MRPL48: variants seen among roughly 807,000 people sequenced by gnomAD.
MRPL48 encodes mitochondrial ribosomal protein L48, also known as large ribosomal subunit protein mL48.
MRPL48 carries 16 observed loss-of-function variants against 32.9 expected under a neutral mutation model. The observed-to-expected ratio is 0.49, with a 90% confidence interval of 0.33 to 0.74. The LOEUF is 0.74. Ranked by LOEUF, MRPL48 falls within the 30% of genes least tolerant of loss-of-function variation. MRPL48 has a pLI of 0.02. For synonymous variants in MRPL48, 94 were observed against 89.2 expected, an observed-to-expected ratio of 1.05 and a Z score of -0.31; for missense variants, 206 against 245.3, an observed-to-expected ratio of 0.84 and a Z score of 1.07.
intron 5 of MRPL48, among the ~76,000 whole-genome samples, chr11:73,851,575 C>T (rs1448774099): frequency 6.6e-6 from 1 of 152,122 alleles, no homozygotes; most frequent in Non-Finnish European, 1.5e-5. Context: ...TTGACACATA[C>T]CTCATGTCAC....
intron 5 of MRPL48, among the ~76,000 whole-genome samples, chr11:73,856,900 TAAAAAATA>T (rs941104905): frequency 6.6e-6 from 1 of 151,854 alleles, no homozygotes; most frequent in East Asian, 1.9e-4. Context: ...AGACAAAAAA[TAAAAAATA>T]AAAAAATAAA....
At chr11:73,810,248 G>A (rs566519539) in intron 3 of MRPL48, among the ~76,000 whole-genome samples, 1 of 152,296 alleles carries the variant, frequency 6.6e-6, no homozygotes, top group African/African-American at 2.4e-5. Flanking sequence ...TCGGGCAGGT[G>A]CAGTGGCTCA....
chr11:73,805,531 G>A (rs1430687216), intron 2 of MRPL48, among the ~76,000 whole-genome samples: 1 of 151,398 alleles, frequency 6.6e-6, no homozygotes, highest in African/African-American at 2.4e-5. Context: ...CCAGACCTCA[G>A]GTGATCTGCC....
At chr11:73,855,179 T>C (rs562038595) in intron 5 of MRPL48, among the ~76,000 whole-genome samples, 6 of 152,252 alleles carry the variant, frequency 3.9e-5, no homozygotes, top group South Asian at 4.1e-4. Context: ...CTACTTTTTT[T>C]CCTAATTCTC....
chr11:73,815,432 G>GTT (rs1242557121), intron 3 of MRPL48, among the ~76,000 whole-genome samples: 1 of 151,800 alleles, frequency 6.6e-6, no homozygotes, highest in Admixed American at 6.6e-5. Context: ...AAAAATCTGT[G>GTT]TTTTTCCTGG....
intron 4 of MRPL48, among the ~76,000 whole-genome samples, chr11:73,828,037 AAG>A (rs1947929885): frequency 6.6e-6 from 1 of 152,022 alleles, no homozygotes; most frequent in Non-Finnish European, 1.5e-5. Flanking sequence ...TTTTTCCGGG[AAG>A]AGAGTCCATA....
intron 1 of MRPL48, 65 bp downstream of exon 1, chr11:73,788,057 C>CGGACGGTGCAGAGAGGGGAGATGGT: frequency 6.3e-7 from 1 of 1,595,260 alleles, no homozygotes. Context: ...GGGGAGATGG[C>CGGACGGTGCAGAGAGGGGAGATGGT]GGAGGGTGCA....
chr11:73,794,950 G>A (rs144042268), intron 1 of MRPL48, among the ~76,000 whole-genome samples: 3,166 of 147,752 alleles, frequency 0.021, 101 homozygotes, highest in African/African-American at 0.075. Flanking sequence ...TTGCTCCGTC[G>A]CCCAGGCTGG....
intron 3 of MRPL48, among the ~76,000 whole-genome samples, chr11:73,813,766 G>T (rs188644878): frequency 1.2e-4 from 18 of 152,116 alleles, no homozygotes; most frequent in African/African-American, 4.3e-4. Context: ...CCATGGCTGG[G>T]CATGGTGGCT....
intron 1 of MRPL48, among the ~76,000 whole-genome samples, chr11:73,795,648 A>G (rs2134935978): frequency 6.7e-6 from 1 of 149,806 alleles, no homozygotes; most frequent in South Asian, 2.1e-4. Context: ...CTGGGACTGC[A>G]GGCACCCGCC....
chr11:73,815,438 C>T (rs1191068529), intron 3 of MRPL48, among the ~76,000 whole-genome samples: 3 of 151,826 alleles, frequency 2.0e-5, no homozygotes, highest in Non-Finnish European at 2.9e-5. Flanking sequence ...CTGTGTTTTT[C>T]CTGGAGGTTT....
At chr11:73,829,613 T>A (rs1947957506) in intron 4 of MRPL48, among the ~76,000 whole-genome samples, 1 of 152,192 alleles carries the variant, frequency 6.6e-6, no homozygotes, top group Non-Finnish European at 1.5e-5. Flanking sequence ...CAAGTGATCC[T>A]CCCACCTTGG....
intron 7 of MRPL48, 69 bp from the exon 8 acceptor site, chr11:73,864,227 T>C (rs1333931091): frequency 7.0e-7 from 1 of 1,435,306 alleles, no homozygotes; most frequent in Non-Finnish European, 9.6e-7. Context: ...CCTTTTTGGA[T>C]GCTGTGCATA....
chr11:73,805,020 G>T lies in MRPL48; in HGVS notation c.22-7G>T. 1 of 1,587,524 alleles carries T rather than the reference G, an allele frequency of 6.3e-7. No homozygotes were observed. Among genetic ancestry groups the T allele is most frequent in the Non-Finnish European group, 8.6e-7 (1 of 1,165,818 alleles). ...AAGATTGTCCTAACATGGCTGTTTT[G>T]CTGTAGGTGCTGTGCCTGAGGAACA... On this transcript the variant is annotated splice_polypyrimidine_tract_variant and splice_region_variant and intron_variant, in intron 1 of 7. Coordinates refer to ENST00000310614, the MANE Select transcript of MRPL48 (RefSeq NM_016055.6).
At chr11:73,836,305 C>T (rs1238335004) in intron 4 of MRPL48, among the ~76,000 whole-genome samples, 1 of 152,008 alleles carries the variant, frequency 6.6e-6, no homozygotes. Flanking sequence ...AGCGATTCTC[C>T]CTGCCTCAGC....
intron 3 of MRPL48, among the ~76,000 whole-genome samples, chr11:73,815,678 TG>T (rs374939950): frequency 5.3e-5 from 8 of 152,048 alleles, no homozygotes; most frequent in African/African-American, 1.2e-4. Context: ...TTTTTTGTTT[TG>T]TTTTTTTTAC....
At chr11:73,823,314 A>G (rs567783816) in intron 3 of MRPL48, among the ~76,000 whole-genome samples, 2 of 152,310 alleles carry the variant, frequency 1.3e-5, no homozygotes, top group African/African-American at 4.8e-5. Flanking sequence ...AAATGAGGGC[A>G]GGACCACAGC....
intron 3 of MRPL48, among the ~76,000 whole-genome samples, chr11:73,814,999 TA>T (rs1193559119): frequency 6.6e-6 from 1 of 150,710 alleles, no homozygotes; most frequent in Non-Finnish European, 1.5e-5. Context: ...GTCTCATAAA[TA>T]AATAAATAAA....
chr11:73,835,791 G>A (rs957065702), intron 4 of MRPL48, among the ~76,000 whole-genome samples: 3 of 151,934 alleles, frequency 2.0e-5, no homozygotes, highest in African/African-American at 7.3e-5. Context: ...ACAGCTACTC[G>A]GGAGGCTGAG....
Sources: allele counts gnomAD v4.1 joint callset (sites outside exome capture counted in the v4.1 genomes callset), GRCh38; gene constraint gnomAD v4.1.1; transcripts MANE v1.5; gene names NCBI Gene and HGNC (gene_info 2026-07-23, HGNC 2026-07-21).